Variants in SLC45A4 observed in about 807,000 individuals in gnomAD.
SLC45A4 encodes the protein solute carrier family 45 member 4.
In SLC45A4, 32 loss-of-function variants were observed where a neutral mutation model predicts 63.7. The ratio of observed to expected loss-of-function variants is 0.50; its 90% CI spans 0.38 to 0.67. SLC45A4 has a LOEUF of 0.67. Among genes scored for constraint, SLC45A4 ranks in the 30% least tolerant of loss-of-function variants. SLC45A4 has a pLI of 0.00. For missense variants in SLC45A4, 1,027 were observed against 1,157.7 expected (o/e 0.89, Z 1.64); for synonymous variants, 535 against 510.0 (o/e 1.05, Z -0.66).
intron 2 of SLC45A4, among the ~76,000 whole-genome samples, chr8:141,222,581 G>A (rs758311601): frequency 3.9e-5 from 6 of 152,222 alleles, no homozygotes; most frequent in Non-Finnish European, 7.3e-5. Flanking sequence ...GAGTTGACAC[G>A]CTGCCTCCCT....
intron 1 of SLC45A4, among the ~76,000 whole-genome samples, chr8:141,263,630 C>T (rs1208204477): frequency 2.0e-5 from 3 of 150,830 alleles, no homozygotes; most frequent in Non-Finnish European, 4.4e-5. Flanking sequence ...ATTAGCTGGG[C>T]ATGGTGGCAT....
chr8:141,213,303 G>A (rs748145220), intron 7 of SLC45A4, among the ~76,000 whole-genome samples: 66 of 152,178 alleles, frequency 4.3e-4, no homozygotes, highest in African/African-American at 1.4e-3. Context: ...AAGCGTACAC[G>A]GAACATTTAC....
intron 1 of SLC45A4, among the ~76,000 whole-genome samples, chr8:141,307,336 T>C (rs896092924): frequency 3.3e-5 from 5 of 152,158 alleles, no homozygotes; most frequent in African/African-American, 1.2e-4. Flanking sequence ...TGCCCTGGCC[T>C]CTTTCCTCCA....
Position 141,228,262 on chromosome 8 carries a change from C to G in SLC45A4, c.242-6497G>C, listed in dbSNP as rs1827143162. 6.2e-7 allele frequency: 1 copy of G among 1,613,822 alleles called. No individual in the cohort carries two copies. Among genetic ancestry groups the G allele is most frequent in the Admixed American group, 1.7e-5 (1 of 60,020 alleles). Reference sequence around the variant, plus strand: ...CAGCCCTGAGGCTGGGCTTGCTTTCCCCATAGATGATGCTGTCCCTGCCGC... The same window carrying G: ...CAGCCCTGAGGCTGGGCTTGCTTTCGCCATAGATGATGCTGTCCCTGCCGC... On this transcript the variant is annotated intron_variant, in intron 2 of 8. Coordinates refer to ENST00000517878, the MANE Select transcript of SLC45A4 (RefSeq NM_001286646.2).
chr8:141,217,902 C>T, intron 5 of SLC45A4, 109 bp downstream of exon 5: 1 of 1,347,370 alleles, frequency 7.4e-7, no homozygotes, highest in Non-Finnish European at 9.9e-7. Context: ...TGTGGCCTCC[C>T]TGACACGCGT....
rs988226645 is a variant in SLC45A4 at position 141,253,529 on chromosome 8, A to C, written c.241+460T>G. 3.9e-5 allele frequency among the ~76,000 whole-genome samples: 6 copies of C among 152,220 alleles called. No homozygotes were observed. The East Asian group carries it at 1.2e-3, about 29-fold the overall frequency. On this transcript the variant is annotated intron_variant, in intron 2 of 8. Coordinates refer to ENST00000517878, the MANE Select transcript of SLC45A4 (RefSeq NM_001286646.2). ...TTCTAAGCACACCTGGGACCCTCTT[A>C]GGGTTGGTTTGCGAATGCAATCACT...
Position 141,256,494 on chromosome 8 carries a change from C to A in SLC45A4, c.-400-1865G>T, listed in dbSNP as rs1372295392. 2 of 455,782 alleles carry A rather than the reference C, an allele frequency of 4.4e-6. No individual in the cohort carries two copies. Among genetic ancestry groups the A allele is most frequent in the African/African-American group, 2.0e-5 (1 of 50,062 alleles). The allele number at this position is 455,782 out of a possible 1,614,324, so 28.2% of individuals were successfully genotyped here. On this transcript the variant is annotated intron_variant, in intron 1 of 8. Transcript: ENST00000517878. This position sits in a 1 kb window ranked among gnomAD's most constrained non-coding sequence, Gnocchi z 4.3. The stretch of plus-strand genomic sequence containing the variant: ...TTCACTCGGCTCCTCTCTCACACAG[C>A]CCTGATGGAGAAGGTGGGTCCCTGG...
intron 5 of SLC45A4, 122 bp downstream of exon 5, chr8:141,217,889 C>CA (rs1826264842): frequency 8.2e-7 from 1 of 1,225,846 alleles, no homozygotes; most frequent in African/African-American, 1.5e-5. Context: ...ACGGGAGGCA[C>CA]TGTGTGGCCT....
rs150882337 is a variant in SLC45A4 at position 141,218,386 on chromosome 8, C to A, written c.1254G>T (p.Ala418=). Reference sequence around the variant, plus strand: ...AGGTGCTGGAGGCCTGCCTGCGGAACGCGTGCCGCCGCCGCCGCATGGAGC... The same window carrying A: ...AGGTGCTGGAGGCCTGCCTGCGGAAAGCGTGCCGCCGCCGCCGCATGGAGC... ...TSSSMRRRRH[A]FRRQASSTFS... The change falls in exon 5 of 9, where the codon GCG becomes GCT. Residue 418 remains alanine, a synonymous_variant. Coordinates refer to ENST00000517878, the MANE Select transcript of SLC45A4 (RefSeq NM_001286646.2). 5 of 1,608,230 alleles carry A rather than the reference C, an allele frequency of 3.1e-6. No individual in the cohort carries two copies. In the Admixed American group the frequency reaches 6.7e-5, roughly 21 times the overall value.
chr8:141,286,118 A>G (rs545907087), intron 1 of SLC45A4, among the ~76,000 whole-genome samples: 6 of 152,062 alleles, frequency 3.9e-5, no homozygotes, highest in Non-Finnish European at 2.9e-5. Context: ...CCTGGTCGTG[A>G]GCTATGCCCA....
chr8:141,230,391 G>A (rs927987102), intron 2 of SLC45A4: 1 of 331,534 alleles, frequency 3.0e-6, no homozygotes, highest in African/African-American at 2.2e-5. Context: ...ACCCATGGGT[G>A]CCGAGGGTTC....
At chr8:141,296,229 G>A (rs909703780) in intron 1 of SLC45A4, among the ~76,000 whole-genome samples, 2 of 152,144 alleles carry the variant, frequency 1.3e-5, no homozygotes, top group African/African-American at 4.8e-5. Flanking sequence ...TACTCAGGAG[G>A]CTGAGGCACG....
intron 7 of SLC45A4, among the ~76,000 whole-genome samples, chr8:141,213,730 A>G (rs1825973230): frequency 6.6e-6 from 1 of 152,266 alleles, no homozygotes; most frequent in Non-Finnish European, 1.5e-5. Context: ...AGGGAGGACT[A>G]AGACGCCGAA....
chr8:141,245,454 C>T (rs921826993), intron 2 of SLC45A4, among the ~76,000 whole-genome samples: 21 of 152,138 alleles, frequency 1.4e-4, no homozygotes, highest in African/African-American at 4.8e-4. Context: ...ATGGGCCTTC[C>T]GCTCCATCAC....
intron 2 of SLC45A4, among the ~76,000 whole-genome samples, chr8:141,233,871 G>A (rs955457518): frequency 3.0e-4 from 45 of 152,184 alleles, no homozygotes; most frequent in African/African-American, 1.1e-3. Context: ...TCTGCGGCTG[G>A]ACCTGACTCT....
intron 2 of SLC45A4, among the ~76,000 whole-genome samples, chr8:141,240,488 C>T (rs118008301): frequency 2.0e-5 from 3 of 152,318 alleles, no homozygotes; most frequent in East Asian, 1.9e-4. Flanking sequence ...CGGAGCTGAG[C>T]GTGACTCAGA....
At chr8:141,268,125 G>A (rs1190301110) in intron 1 of SLC45A4, among the ~76,000 whole-genome samples, 5 of 152,206 alleles carry the variant, frequency 3.3e-5, no homozygotes, top group Non-Finnish European at 7.3e-5. Flanking sequence ...GTCATTCACC[G>A]CTAAACGGAA....
intron 2 of SLC45A4, among the ~76,000 whole-genome samples, chr8:141,233,475 A>G (rs1263065485): frequency 6.6e-6 from 1 of 152,150 alleles, no homozygotes; most frequent in Non-Finnish European, 1.5e-5. Flanking sequence ...TGAGGCCAGA[A>G]GTTCGAGATC....
At chr8:141,265,274 G>A (rs1829220189) in intron 1 of SLC45A4, among the ~76,000 whole-genome samples, 1 of 152,204 alleles carries the variant, frequency 6.6e-6, no homozygotes, top group South Asian at 2.1e-4. Flanking sequence ...TCCTGAACAC[G>A]AAGACTCTGA....
Sources: gnomAD v4.1 joint callset for allele counts (sites outside exome capture counted in the v4.1 genomes callset) on GRCh38, gnomAD v4.1.1 for gene constraint, Gnocchi (gnomAD v3.1) non-coding constraint, MANE v1.5 for transcripts, NCBI Gene and HGNC (gene_info 2026-07-23, HGNC 2026-07-21) for gene names.